MMP2: variants seen among roughly 807,000 people sequenced by gnomAD.
MMP2 encodes the protein 72 kDa type IV collagenase.
Under a neutral mutation model 74.8 loss-of-function variants are expected in MMP2, and 39 were observed. The observed-to-expected ratio is 0.52, with a 90% CI of 0.40 to 0.68. The LOEUF is 0.68. Among genes scored for constraint, MMP2 ranks in the 30% least tolerant of loss-of-function variants. The probability of loss-of-function intolerance (pLI) is 0.00; values close to 1 mark genes in which losing one functional copy is unlikely to be tolerated. For synonymous variants in MMP2, 367 were observed against 339.8 expected (o/e 1.08, Z -0.88); for missense variants, 803 against 878.3 (o/e 0.91, Z 1.08).
chr16:55,487,467 G>A (rs1219236784), intron 5 of MMP2: 1 of 152,312 alleles, frequency 6.6e-6, no homozygotes, highest in East Asian at 1.9e-4. Flanking sequence ...CTTTTCTCTA[G>A]GTGCCATTGT....
chr16:55,494,266 T>C (rs1962483578), intron 9 of MMP2, among the ~76,000 whole-genome samples: 1 of 152,260 alleles, frequency 6.6e-6, no homozygotes, highest in Admixed American at 6.5e-5. Context: ...GACAAGTTAA[T>C]TAAGTATCTT....
intron 9 of MMP2, among the ~76,000 whole-genome samples, chr16:55,495,931 A>G (rs1160602987): frequency 6.6e-6 from 1 of 152,198 alleles, no homozygotes; most frequent in Non-Finnish European, 1.5e-5. Context: ...AGAGACACGC[A>G]CAGATACACA....
At position 55,479,277 on chromosome 16, in the gene MMP2, TGCGGCGGCGGCG is replaced by T. The variant is rs567092201; in HGVS notation, c.-192_-181del. 2 of 401,292 alleles carry T rather than the reference TGCGGCGGCGGCG, an allele frequency of 5.0e-6. No homozygotes were observed. Among genetic ancestry groups the T allele is most frequent in the Non-Finnish European group, 4.0e-6 (1 of 247,420 alleles). The allele number at this position is 401,292 out of a possible 1,614,324, so 24.9% of individuals were successfully genotyped here. A position where few individuals can be genotyped will look rare whatever the true frequency, so the allele number is the denominator to read the frequency against. ...AACATACAAAGGGATTGCCAGGACC[TGCGGCGGCGGCG>T]GCGGCGGCGGGGGCTGGGGCGCGGG... On this transcript the variant is annotated 5_prime_UTR_variant, in exon 1 of 13. Coordinates refer to ENST00000219070, the MANE Select transcript of MMP2 (RefSeq NM_004530.6).
chr16:55,486,863 C>T (rs1962273969), intron 5 of MMP2: 1 of 152,156 alleles, frequency 6.6e-6, no homozygotes, highest in Non-Finnish European at 1.5e-5. Context: ...ATCTCCCTAA[C>T]CCCACTGTAA....
Position 55,505,779 on chromosome 16 carries a change from C to G in MMP2, c.*337C>G, listed in dbSNP as rs180797471. 2 of 385,714 alleles carry G rather than the reference C, an allele frequency of 5.2e-6. No individual in the cohort carries two copies. Among genetic ancestry groups the G allele is most frequent in the Non-Finnish European group, 4.9e-6 (1 of 203,456 alleles). 23.9% of individuals were successfully genotyped at this position (385,714 alleles called of 1,614,324 possible). A position where few individuals can be genotyped will look rare whatever the true frequency, so the allele number is the denominator to read the frequency against. ...CTTCAGGCTCTTCTCCTTTCACAACCTTCTGTGGCTCACAGAACCCTTGGA... is the reference window on the plus strand; with the variant it reads ...CTTCAGGCTCTTCTCCTTTCACAACGTTCTGTGGCTCACAGAACCCTTGGA... On this transcript the variant is annotated 3_prime_UTR_variant, in exon 13 of 13. Coordinates refer to ENST00000219070, the MANE Select transcript of MMP2 (RefSeq NM_004530.6).
chr16:55,482,194 G>A (rs17859856), intron 1 of MMP2, among the ~76,000 whole-genome samples: 1,990 of 152,274 alleles, frequency 0.013, 55 homozygotes, highest in African/African-American at 0.045. Flanking sequence ...TAAATGAGTC[G>A]GTTGCTCCCT....
chr16:55,486,606 A>G (rs1404407638), intron 5 of MMP2: 1 of 152,120 alleles, frequency 6.6e-6, no homozygotes, highest in African/African-American at 2.4e-5. Context: ...ATTGACATAC[A>G]CACTCAATCC....
In MMP2 at chr16:55,498,313, C is replaced by T. The variant is rs143247099; in HGVS notation, c.1634C>T (p.Ala545Val). The change falls in exon 11 of 13, where the codon GCC becomes GTC. Residue 545 changes from alanine to valine, a missense_variant. Coordinates refer to ENST00000219070, the MANE Select transcript of MMP2 (RefSeq NM_004530.6). ...GGGAATGAATACTGGATCTACTCAG[C>T]CAGCACCCTGGAGCGAGGGTACCCC... Reference protein sequence around the residue: ...FAGNEYWIYSASTLERGYPKP... With the variant: ...FAGNEYWIYSVSTLERGYPKP... The T allele has an allele frequency of 2.5e-4, 406 of 1,614,228 alleles. No individual in the cohort carries two copies. Among genetic ancestry groups the T allele is most frequent in the Non-Finnish European group, 3.2e-4 (377 of 1,180,040 alleles).
rs572863022 is a variant in MMP2 at position 55,492,378 on chromosome 16, T to A, written c.1336+422T>A. Among the ~76,000 whole-genome samples the A allele has an allele frequency of 1.1e-3, 172 of 152,226 alleles. 1 individual carries two copies. Among genetic ancestry groups the A allele is most frequent in the African/African-American group, 4.0e-3 (167 of 41,554 alleles). ...AAGTTTCTAGTTTTCATAATAAGCT[T>A]TGATTTTTAGTATGTAGTAGAAACA... is the stretch of plus-strand genomic sequence containing the variant. On this transcript the variant is annotated intron_variant, in intron 8 of 12. Coordinates refer to ENST00000219070, the MANE Select transcript of MMP2 (RefSeq NM_004530.6).
chr16:55,498,735 C>G (rs1429744763), intron 11 of MMP2, among the ~76,000 whole-genome samples: 1 of 152,190 alleles, frequency 6.6e-6, no homozygotes, highest in Non-Finnish European at 1.5e-5. Flanking sequence ...AAATGACTCA[C>G]TGAAGAAGGG....
intron 4 of MMP2, 65 bp from the exon 5 acceptor site, chr16:55,485,539 C>G: frequency 1.2e-6 from 2 of 1,610,878 alleles, no homozygotes; most frequent in Non-Finnish European, 1.7e-6. Context: ...CTGGGTGAGT[C>G]AGAATCTTGG....
intron 7 of MMP2, among the ~76,000 whole-genome samples, chr16:55,491,309 C>T (rs1686328649): frequency 6.6e-6 from 1 of 152,118 alleles, no homozygotes; most frequent in Admixed American, 6.5e-5. Context: ...TCAGCCTGTG[C>T]AACCACGCTA....
intron 5 of MMP2, chr16:55,488,307 T>G: frequency 6.2e-5 from 34 of 547,484 alleles, no homozygotes; most frequent in East Asian, 9.7e-5. Context: ...GTGTCAATCA[T>G]TTTGTTGTTG....
chr16:55,479,445 C>T lies in MMP2; in HGVS notation c.-35C>T, dbSNP rs1962038725. On this transcript the variant is annotated 5_prime_UTR_variant, in exon 1 of 13. Transcript: ENST00000219070. ...GCGGCCACACGCACCGAGCCAGCGA[C>T]CCCCGGGCGACGCGCGGGGCCAGGG... 2 of 1,461,896 alleles carry T rather than the reference C, an allele frequency of 1.4e-6. No individual in the cohort carries two copies. Among genetic ancestry groups the T allele is most frequent in the East Asian group, 2.7e-5 (1 of 36,800 alleles). The allele number at this position is 1,461,896 out of a possible 1,614,324, so 90.6% of individuals were successfully genotyped here.
At chr16:55,482,663 A>G (rs377309721) in intron 1 of MMP2, among the ~76,000 whole-genome samples, 19 of 152,308 alleles carry the variant, frequency 1.2e-4, no homozygotes, top group African/African-American at 4.6e-4. Flanking sequence ...GCCTGGACAT[A>G]TAGTCAGCAC....
At chr16:55,497,176 G>T in intron 10 of MMP2, 114 bp downstream of exon 10, 1 of 1,401,428 alleles carries the variant, frequency 7.1e-7, no homozygotes, top group African/African-American at 1.4e-5. Context: ...GCACCCGTGG[G>T]TGCTCCCTTT....
intron 2 of MMP2, 101 bp from the exon 3 acceptor site, chr16:55,483,915 A>T: frequency 7.8e-7 from 1 of 1,290,186 alleles, no homozygotes; most frequent in Non-Finnish European, 1.1e-6. Flanking sequence ...ATACACACAC[A>T]CACTCAAACT....
In MMP2 at chr16:55,484,044, C is replaced by A. The variant is rs1451495407; in HGVS notation, c.409C>A (p.Pro137Thr). 1.9e-6 allele frequency: 3 copies of A among 1,614,042 alleles called. No homozygotes were observed. The highest frequency in any genetic ancestry group is 2.7e-5 in the African/African-American group (2 of 74,912). Reference protein sequence around the residue: ...RIIGYTPDLDPETVDDAFARA... With the variant: ...RIIGYTPDLDTETVDDAFARA... ...CATTGGCTACACACCTGATCTGGAC[C>A]CAGAGACAGTGGATGATGCCTTTGC... The change falls in exon 3 of 13, where the codon CCA becomes ACA. Residue 137 changes from proline (P) to threonine (T), a missense_variant. Pro to Thr is a conservative substitution (Grantham distance 38). Coordinates refer to ENST00000219070, the MANE Select transcript of MMP2 (RefSeq NM_004530.6).
At chr16:55,485,190 A>G (rs1902811861) in intron 3 of MMP2, 109 bp from the exon 4 acceptor site, 1 of 1,490,080 alleles carries the variant, frequency 6.7e-7, no homozygotes, top group Non-Finnish European at 9.4e-7. Flanking sequence ...GGACAAGGGA[A>G]GGGGACAGAT....
Sources: allele counts gnomAD v4.1 joint callset (sites outside exome capture counted in the v4.1 genomes callset), GRCh38; gene constraint gnomAD v4.1.1; transcripts MANE v1.5; gene names NCBI Gene and HGNC (gene_info 2026-07-23, HGNC 2026-07-21).